Variants in LINC00632 observed in about 807,000 individuals in gnomAD.
LINC00632 encodes ALDOA related specific transcript.
intron 3 of LINC00632, among the ~76,000 whole-genome samples, chrX:140,753,768 CTT>C (rs752596283): frequency 6.0e-5 from 3 of 49,729 alleles, no homozygotes; most frequent in African/African-American, 1.9e-4. Context: ...TTCTTTCTTT[CTT>C]TTTTTTTTTT....
At chrX:140,732,605 A>G (rs982021877) in intron 2 of LINC00632, among the ~76,000 whole-genome samples, 1 of 111,812 alleles carries the variant, frequency 8.9e-6, no homozygotes, top group Non-Finnish European at 1.9e-5. Flanking sequence ...ACACGTATAC[A>G]TGTGCCAGTG....
At chrX:140,762,911 C>T (rs1002520149) in intron 3 of LINC00632, among the ~76,000 whole-genome samples, 1 of 111,798 alleles carries the variant, frequency 8.9e-6, no homozygotes, top group African/African-American at 3.3e-5. Context: ...GTTTGCAGAT[C>T]CCTGGGCTAA....
At chrX:140,756,233 TG>T (rs1931491518) in intron 3 of LINC00632, among the ~76,000 whole-genome samples, 2 of 112,192 alleles carry the variant, frequency 1.8e-5, no homozygotes, top group East Asian at 2.8e-4. Flanking sequence ...ACAGATTTTC[TG>T]CAAGTCCATT....
In LINC00632 at chrX:140,756,776, A is replaced by AT. The variant is rs1261244496; in HGVS notation, n.192-15292dup. Among the ~76,000 whole-genome samples, 518 of 109,068 alleles carry AT rather than the reference A, an allele frequency of 4.7e-3. 5 individuals are homozygous for AT. Among genetic ancestry groups the AT allele is most frequent in the African/African-American group, 0.016 (485 of 29,775 alleles). 94.7% of individuals were successfully genotyped at this position (109,068 alleles called of 115,157 possible). ...AACTGTAATTACAAATCCAAGAAAC[A>AT]TTTTTTTTTTCTGGGTAATTACTTT... is the stretch of plus-strand genomic sequence containing the variant. On this transcript the variant is annotated intron_variant and non_coding_transcript_variant, in intron 3 of 4. Coordinates refer to ENST00000648200, the Ensembl canonical transcript of LINC00632.
intron 3 of LINC00632, among the ~76,000 whole-genome samples, chrX:140,768,643 ATATT>A (rs1238030108): frequency 2.1e-4 from 7 of 33,100 alleles, no homozygotes; most frequent in Admixed American, 7.0e-4. Context: ...ACTATATAAT[ATATT>A]TATTATATAT....
At chrX:140,711,714 T>C (rs1930518459) in intron 2 of LINC00632, 1 of 222,231 alleles carries the variant, frequency 4.5e-6, no homozygotes, top group Non-Finnish European at 9.0e-6. Context: ...TTATTTATTA[T>C]ATGTGGTATA....
At chrX:140,760,411 T>G (rs1931578948) in intron 3 of LINC00632, among the ~76,000 whole-genome samples, 1 of 111,703 alleles carries the variant, frequency 9.0e-6, no homozygotes, top group Non-Finnish European at 1.9e-5. Context: ...AGATTGGAGG[T>G]GAGCTTTAAA....
intron 3 of LINC00632, among the ~76,000 whole-genome samples, chrX:140,768,863 T>C (rs751305414): frequency 9.5e-6 from 1 of 104,962 alleles, no homozygotes; most frequent in South Asian, 3.9e-4. Context: ...CATACACAAA[T>C]ACATATTAGT....
exon 5 of LINC00632, among the ~76,000 whole-genome samples, chrX:140,790,093 C>G (rs1414307081): frequency 9.0e-6 from 1 of 111,265 alleles, no homozygotes; most frequent in Non-Finnish European, 1.9e-5. Flanking sequence ...GTTGTCCACA[C>G]TGGTCTTGAA....
intron 3 of LINC00632, among the ~76,000 whole-genome samples, chrX:140,743,132 G>A (rs1479175269): frequency 9.8e-6 from 1 of 101,576 alleles, no homozygotes; most frequent in African/African-American, 3.7e-5. Context: ...GGCTGAGGCA[G>A]GAGAATTGCT....
chrX:140,760,717 G>A (rs1931582789), intron 3 of LINC00632, among the ~76,000 whole-genome samples: 1 of 111,376 alleles, frequency 9.0e-6, no homozygotes, highest in Middle Eastern at 4.6e-3. Flanking sequence ...GTTGCAGTGA[G>A]CAACCTATAT....
exon 5 of LINC00632, among the ~76,000 whole-genome samples, chrX:140,775,829 A>C (rs925055842): frequency 4.6e-5 from 3 of 65,689 alleles, no homozygotes. Context: ...AGGAAGCAGG[A>C]AGCAAGCCCA....
exon 4 of LINC00632, chrX:140,772,253 T>C: frequency 3.4e-6 from 1 of 296,866 alleles, no homozygotes; most frequent in Non-Finnish European, 5.9e-6. Context: ...CTACCTCCTG[T>C]GAGAAGACCA....
chrX:140,713,961 G>A (rs868817619), intron 2 of LINC00632: 10 of 257,858 alleles, frequency 3.9e-5, no homozygotes, highest in East Asian at 1.0e-4. Flanking sequence ...CGGCTTCCCC[G>A]ACAAGCACAC....
intron 3 of LINC00632, among the ~76,000 whole-genome samples, chrX:140,751,845 C>T (rs56239823): frequency 0.24 from 26,550 of 110,792 alleles, 3,014 homozygotes; most frequent in Non-Finnish European, 0.35. Context: ...TCTATATATC[C>T]ACCCTACAGG....
chrX:140,718,966 G>A (rs1376078476), intron 2 of LINC00632, among the ~76,000 whole-genome samples: 1 of 111,408 alleles, frequency 9.0e-6, no homozygotes, highest in Non-Finnish European at 1.9e-5. Context: ...AAAATCTCTA[G>A]AAACAATCCA....
chrX:140,759,365 C>CT (rs1388323447), intron 3 of LINC00632, among the ~76,000 whole-genome samples: 2 of 86,528 alleles, frequency 2.3e-5, no homozygotes, highest in Non-Finnish European at 4.5e-5. Flanking sequence ...TTCTTTCTTT[C>CT]TTTTTAAAAG....
chrX:140,771,047 G>C (rs1931780646), intron 3 of LINC00632, among the ~76,000 whole-genome samples: 1 of 111,721 alleles, frequency 9.0e-6, no homozygotes, highest in Middle Eastern at 4.6e-3. Flanking sequence ...ACTACTGGGA[G>C]AGAACTCCAG....
chrX:140,727,592 C>T (rs1390651368), intron 2 of LINC00632, among the ~76,000 whole-genome samples: 2 of 111,613 alleles, frequency 1.8e-5, no homozygotes, highest in Non-Finnish European at 3.8e-5. Context: ...CACGCCCGAC[C>T]GTGAACAATT....
Sources: allele counts gnomAD v4.1 joint callset (sites outside exome capture counted in the v4.1 genomes callset), GRCh38; gene constraint gnomAD v4.1.1; transcripts MANE v1.5; gene names NCBI Gene and HGNC (gene_info 2026-07-23, HGNC 2026-07-21).